The following CACNA2D3 variants were observed in gnomAD, a reference collection of about 807,000 sequenced individuals.
CACNA2D3 encodes voltage-dependent calcium channel subunit alpha-2/delta-3.
CACNA2D3 carries 60 observed loss-of-function variants against 160.6 expected under a neutral mutation model. The ratio of observed to expected loss-of-function variants is 0.37; its 90% CI spans 0.30 to 0.46. The LOEUF (loss-of-function observed/expected upper bound fraction) is 0.46. Ranked by LOEUF, CACNA2D3 falls within the 20% of genes least tolerant of loss-of-function variation. The pLI is 1.00. For missense variants in CACNA2D3, 1,205 were observed against 1,365.0 expected (o/e 0.88, Z 1.85); for synonymous variants, 558 against 492.9 (o/e 1.13, Z -1.75).
chr3:54,605,868 C>A (rs1162758495), intron 9 of CACNA2D3, among the ~76,000 whole-genome samples: 1 of 152,144 alleles, frequency 6.6e-6, no homozygotes, highest in Admixed American at 6.5e-5. Context: ...TAGGAGAAAT[C>A]ATTTCATATG....
At chr3:54,893,027 G>C (rs896194194) in intron 25 of CACNA2D3, among the ~76,000 whole-genome samples, 4 of 152,198 alleles carry the variant, frequency 2.6e-5, no homozygotes, top group African/African-American at 9.6e-5. Context: ...TGTAATCCCA[G>C]AACTTTGGGA....
intron 3 of CACNA2D3, among the ~76,000 whole-genome samples, chr3:54,351,344 T>C (rs1310441094): frequency 6.6e-6 from 1 of 152,170 alleles, no homozygotes; most frequent in Non-Finnish European, 1.5e-5. Context: ...GGTGGCTTCC[T>C]GCTGCTGCTT....
chr3:54,603,537 A>G (rs1485885800), intron 9 of CACNA2D3, among the ~76,000 whole-genome samples: 1 of 152,172 alleles, frequency 6.6e-6, no homozygotes, highest in East Asian at 1.9e-4. Context: ...TCTTTCGTCC[A>G]TGTCTTCACT....
At chr3:54,329,000 G>T (rs1168121587) in intron 3 of CACNA2D3, among the ~76,000 whole-genome samples, 1 of 152,148 alleles carries the variant, frequency 6.6e-6, no homozygotes, top group Admixed American at 6.5e-5. Context: ...AGTTGCAAGA[G>T]AATTTGAGCT....
At chr3:54,244,693 C>T (rs1383619576) in intron 2 of CACNA2D3, among the ~76,000 whole-genome samples, 1 of 152,218 alleles carries the variant, frequency 6.6e-6, no homozygotes, top group Non-Finnish European at 1.5e-5. Flanking sequence ...ATGATGAGAT[C>T]ACATGTAGAG....
chr3:54,345,399 T>C (rs1698438207), intron 3 of CACNA2D3, among the ~76,000 whole-genome samples: 1 of 152,206 alleles, frequency 6.6e-6, no homozygotes, highest in Non-Finnish European at 1.5e-5. Context: ...TTTTTTTCAA[T>C]TTATTTTTTA....
At chr3:54,508,476 A>C (rs998196944) in intron 5 of CACNA2D3, among the ~76,000 whole-genome samples, 2 of 152,226 alleles carry the variant, frequency 1.3e-5, no homozygotes, top group Non-Finnish European at 2.9e-5. Context: ...CAGCCCCATG[A>C]AGGCGGGAAC....
At chr3:54,531,071 G>A (rs1701798839) in intron 5 of CACNA2D3, among the ~76,000 whole-genome samples, 1 of 152,248 alleles carries the variant, frequency 6.6e-6, no homozygotes, top group African/African-American at 2.4e-5. Flanking sequence ...AGAAACTTGA[G>A]CTGGCAACTG....
intron 10 of CACNA2D3, chr3:54,632,798 C>G (rs1221204878): frequency 6.6e-6 from 1 of 152,118 alleles, no homozygotes; most frequent in Non-Finnish European, 1.5e-5. Flanking sequence ...ATGGGTCTTT[C>G]AAGAAGTTCC....
At chr3:54,556,530 G>C (rs904669634) in intron 5 of CACNA2D3, among the ~76,000 whole-genome samples, 1 of 152,118 alleles carries the variant, frequency 6.6e-6, no homozygotes, top group Non-Finnish European at 1.5e-5. Flanking sequence ...ATAAATCTCT[G>C]TTGTCTTTAA....
Position 54,421,168 on chromosome 3 carries a change from G to T in CACNA2D3, c.381+34394G>T, listed in dbSNP as rs548034976. ...TGCTGGGGCAGTGAATGTGTTTGTG[G>T]TGTGTGGGAACATATCTATAATTGG... On this transcript the variant is annotated intron_variant, in intron 4 of 37. Coordinates refer to ENST00000474759, the MANE Select transcript of CACNA2D3 (RefSeq NM_018398.3). Among the ~76,000 whole-genome samples the T allele has an allele frequency of 7.1e-4, 108 of 152,302 alleles. 1 individual carries two copies. The highest frequency in any genetic ancestry group is 2.6e-3 in the African/African-American group (106 of 41,552).
chr3:54,831,311 G>A (rs1017479323), intron 14 of CACNA2D3, among the ~76,000 whole-genome samples: 1 of 152,212 alleles, frequency 6.6e-6, no homozygotes, highest in African/African-American at 2.4e-5. Context: ...TGCCTTCCAG[G>A]TCCAGCTTGC....
intron 3 of CACNA2D3, among the ~76,000 whole-genome samples, chr3:54,350,968 G>GTTTTTTTTTCTTT (rs1698543383): frequency 1.8e-5 from 1 of 56,106 alleles, no homozygotes; most frequent in Admixed American, 2.4e-4. Context: ...TCTTGAGTCT[G>GTTTTTTTTTCTTT]TTTTTTTTTT....
intron 2 of CACNA2D3, among the ~76,000 whole-genome samples, chr3:54,199,317 G>C (rs986810791): frequency 2.6e-5 from 4 of 151,526 alleles, no homozygotes; most frequent in Admixed American, 2.6e-4. Context: ...TCAATATTTC[G>C]GTCTACCTCT....
intron 9 of CACNA2D3, among the ~76,000 whole-genome samples, chr3:54,583,515 T>C (rs1702712509): frequency 6.6e-6 from 1 of 152,184 alleles, no homozygotes; most frequent in South Asian, 2.1e-4. Flanking sequence ...ATAGGTTGAG[T>C]ATTCCTTATC....
At chr3:54,334,686 G>A (rs1026953446) in intron 3 of CACNA2D3, among the ~76,000 whole-genome samples, 1 of 152,200 alleles carries the variant, frequency 6.6e-6, no homozygotes, top group Non-Finnish European at 1.5e-5. Context: ...TCCTTGAGAT[G>A]GAAGCAATCA....
At chr3:54,150,385 A>C (rs1035674290) in intron 2 of CACNA2D3, among the ~76,000 whole-genome samples, 1 of 152,192 alleles carries the variant, frequency 6.6e-6, no homozygotes, top group African/African-American at 2.4e-5. Flanking sequence ...TCCAGGGGCA[A>C]GAGTATGGAA....
At chr3:54,269,914 G>A (rs1227163582) in intron 2 of CACNA2D3, among the ~76,000 whole-genome samples, 2 of 152,178 alleles carry the variant, frequency 1.3e-5, no homozygotes, top group Non-Finnish European at 2.9e-5. Flanking sequence ...TTAATACATG[G>A]TCTCTGTTGT....
chr3:54,516,929 A>C (rs1701560594), intron 5 of CACNA2D3, among the ~76,000 whole-genome samples: 2 of 152,222 alleles, frequency 1.3e-5, no homozygotes, highest in African/African-American at 4.8e-5. Context: ...GCTCAGGACC[A>C]GTCGGGGTAC....
Sources: allele counts gnomAD v4.1 joint callset (sites outside exome capture counted in the v4.1 genomes callset), GRCh38; gene constraint gnomAD v4.1.1; transcripts MANE v1.5; gene names NCBI Gene and HGNC (gene_info 2026-07-23, HGNC 2026-07-21).